The following KYNU variants were observed in gnomAD, a reference collection of about 807,000 sequenced individuals.
The protein encoded by KYNU is L-kynurenine hydrolase.
A neutral mutation model predicts 59.2 loss-of-function variants in KYNU; 54 were observed. The observed-to-expected ratio is 0.91, with a 90% CI of 0.73 to 1.14. The LOEUF is 1.14. Among genes scored for constraint, KYNU ranks in the 50% most tolerant of loss-of-function variants. The probability of loss-of-function intolerance (pLI) is 0.00; values close to 1 mark genes in which losing one functional copy is unlikely to be tolerated. For missense variants in KYNU, 567 were observed against 554.4 expected (o/e 1.02, Z -0.23); for synonymous variants, 177 against 192.0 (o/e 0.92, Z 0.65).
chr2:142,931,919 T>C (rs552660626), intron 4 of KYNU, among the ~76,000 whole-genome samples: 2 of 152,268 alleles, frequency 1.3e-5, no homozygotes, highest in Admixed American at 1.3e-4. Context: ...TGATGAGAGT[T>C]TGTGTGACGA....
At position 142,983,950 on chromosome 2, in the gene KYNU, A is replaced by G. The variant is rs534172982; in HGVS notation, c.730-1134A>G. Among the ~76,000 whole-genome samples the G allele has an allele frequency of 7.9e-5, 12 of 152,150 alleles. No homozygotes were observed. In the South Asian group the frequency reaches 2.1e-3, roughly 26 times the overall value. ...TTTGAATCTTACAAAGAAAATAGGC[A>G]CTCATGAAGATATGTAATCAGAAAA... On this transcript the variant is annotated intron_variant, in intron 8 of 13. Transcript: ENST00000264170.
chr2:143,030,651 TGC>T lies in KYNU; in HGVS notation c.955+973_955+974del, dbSNP rs1491431549. ...CACCATGACTGGATGATGATGATGA[TGC>T]TGATTATTATTATTATTATTTAGTG... On this transcript the variant is annotated intron_variant, in intron 11 of 13. Transcript: ENST00000264170. 5.1e-3 allele frequency among the ~76,000 whole-genome samples: 564 copies of T among 111,372 alleles called. 3 individuals are homozygous for T. Among genetic ancestry groups the T allele is most frequent in the Non-Finnish European group, 9.0e-3 (444 of 49,508 alleles). The allele number at this position is 111,372 out of a possible 152,430, so 73.1% of individuals were successfully genotyped here.
At chr2:142,935,137 C>T (rs1256766152) in intron 4 of KYNU, among the ~76,000 whole-genome samples, 3 of 152,116 alleles carry the variant, frequency 2.0e-5, no homozygotes, top group Non-Finnish European at 4.4e-5. Flanking sequence ...CTGAAGTTTG[C>T]GTGGAATATT....
At chr2:142,994,045 G>A (rs750439375) in intron 10 of KYNU, among the ~76,000 whole-genome samples, 7 of 151,984 alleles carry the variant, frequency 4.6e-5, no homozygotes, top group Non-Finnish European at 1.0e-4. Context: ...ATTACTTCAA[G>A]TTTTAGCCCT....
intron 2 of KYNU, among the ~76,000 whole-genome samples, chr2:142,900,540 AT>A (rs1379037272): frequency 6.6e-6 from 1 of 152,146 alleles, no homozygotes; most frequent in Non-Finnish European, 1.5e-5. Context: ...CCTAGTTAGC[AT>A]TTTAGTGAAC....
chr2:142,941,779 C>A (rs887104332), intron 4 of KYNU, among the ~76,000 whole-genome samples: 11 of 152,104 alleles, frequency 7.2e-5, no homozygotes, highest in Non-Finnish European at 1.6e-4. Flanking sequence ...GCATCTGTTT[C>A]GGTCTTTCAG....
At chr2:142,945,727 T>C (rs1683752126) in intron 4 of KYNU, among the ~76,000 whole-genome samples, 1 of 147,064 alleles carries the variant, frequency 6.8e-6, no homozygotes, top group Non-Finnish European at 1.5e-5. Context: ...CACAAAATGC[T>C]TTTTTTAATT....
rs373196560 is a variant in KYNU, at chr2:142,985,190, C to T, written c.828+8C>T. ...TGCTGGTGTTCCTACAAGGTACAAA[C>T]GAGTTAATACATTTACATCCCTTTA... On this transcript the variant is annotated splice_region_variant and intron_variant, in intron 9 of 13. Coordinates refer to ENST00000264170, the MANE Select transcript of KYNU (RefSeq NM_003937.3). 7.9e-5 allele frequency: 118 copies of T among 1,502,318 alleles called. 3 individuals are homozygous for T. The South Asian group carries it at 1.2e-3, about 15-fold the overall frequency. 93.1% of individuals were successfully genotyped at this position (1,502,318 alleles called of 1,614,324 possible). A position where few individuals can be genotyped will look rare whatever the true frequency, so the allele number is the denominator to read the frequency against.
At chr2:142,968,988 A>G (rs979395001) in intron 8 of KYNU, among the ~76,000 whole-genome samples, 3 of 152,196 alleles carry the variant, frequency 2.0e-5, no homozygotes, top group Non-Finnish European at 4.4e-5. Context: ...GAAAGGACAG[A>G]TCCATTTCAT....
chr2:142,911,827 T>G (rs80141455), intron 2 of KYNU, among the ~76,000 whole-genome samples: 14,490 of 152,264 alleles, frequency 0.095, 936 homozygotes, highest in Middle Eastern at 0.18. Flanking sequence ...TTCTCAATTA[T>G]CTTTACATCC....
chr2:143,009,840 G>A (rs1686034683), intron 10 of KYNU, among the ~76,000 whole-genome samples: 1 of 121,216 alleles, frequency 8.2e-6, no homozygotes, highest in South Asian at 3.0e-4. Flanking sequence ...TGCCGAAAAA[G>A]CCTTTGACAA....
chr2:142,928,103 C>T (rs939874915), intron 4 of KYNU, among the ~76,000 whole-genome samples: 2 of 151,924 alleles, frequency 1.3e-5, no homozygotes, highest in African/African-American at 4.8e-5. Context: ...ATATAATGAA[C>T]ATTTTCACAT....
At chr2:142,913,506 A>G (rs555611599) in intron 2 of KYNU, among the ~76,000 whole-genome samples, 22 of 152,182 alleles carry the variant, frequency 1.4e-4, no homozygotes, top group Non-Finnish European at 2.9e-4. Context: ...TGTACTTCTG[A>G]GAGATCTTCT....
chr2:142,918,575 T>TTA, intron 2 of KYNU, 34 bp from the exon 3 acceptor site: 2 of 1,039,108 alleles, frequency 1.9e-6, no homozygotes, highest in Non-Finnish European at 2.5e-6. Flanking sequence ...AGCTTTTATT[T>TTA]TTTTTTTTTT....
At chr2:143,028,812 C>T (rs1686654090) in intron 10 of KYNU, among the ~76,000 whole-genome samples, 1 of 151,954 alleles carries the variant, frequency 6.6e-6, no homozygotes, top group Non-Finnish European at 1.5e-5. Context: ...TGCTCCATTG[C>T]ACTCCAGCCT....
chr2:142,929,004 T>G (rs1683126155), intron 4 of KYNU, among the ~76,000 whole-genome samples: 1 of 78,400 alleles, frequency 1.3e-5, no homozygotes, highest in Non-Finnish European at 2.3e-5. Flanking sequence ...TGACACCCTG[T>G]CTCAAAAAAA....
chr2:143,032,297 A>AC (rs1335134895), intron 11 of KYNU, among the ~76,000 whole-genome samples: 2 of 85,326 alleles, frequency 2.3e-5, no homozygotes, highest in East Asian at 5.1e-4. Context: ...AACAAAAAAA[A>AC]AAAACAAAAC....
chr2:143,055,093 T>TA lies in KYNU; in HGVS notation c.*12927dup, dbSNP rs1687331805. On this transcript the variant is annotated 3_prime_UTR_variant, in exon 14 of 14. Coordinates refer to ENST00000264170, the MANE Select transcript of KYNU (RefSeq NM_003937.3). Reference sequence around the variant, plus strand: ...GCCTTAAAATTCCTCTGCAAAATTATAAAAAAGAACGATGACAAACTAAAA... The same window carrying TA: ...GCCTTAAAATTCCTCTGCAAAATTATAAAAAAAGAACGATGACAAACTAAAA... 1 of 152,146 alleles carries TA rather than the reference T, an allele frequency of 6.6e-6. No individual in the cohort carries two copies. Among genetic ancestry groups the TA allele is most frequent in the Non-Finnish European group, 1.5e-5 (1 of 68,006 alleles). 9.4% of individuals were successfully genotyped at this position (152,146 alleles called of 1,614,324 possible). A position where few individuals can be genotyped will look rare whatever the true frequency, so the allele number is the denominator to read the frequency against.
chr2:143,051,415 G>T lies in KYNU; in HGVS notation c.*9243G>T, dbSNP rs1464493765. ...TTAATTGAGCTGATCATGTTTCTAG[G>T]ATTTTTTAGTTAAAAGAAAATACAT... On this transcript the variant is annotated 3_prime_UTR_variant, in exon 14 of 14. Transcript: ENST00000264170. 2 of 151,720 alleles carry T rather than the reference G, an allele frequency of 1.3e-5. No homozygotes were observed. Among genetic ancestry groups the T allele is most frequent in the Non-Finnish European group, 2.9e-5 (2 of 67,904 alleles). 9.4% of individuals were successfully genotyped at this position (151,720 alleles called of 1,614,324 possible). A position where few individuals can be genotyped will look rare whatever the true frequency, so the allele number is the denominator to read the frequency against.
Sources: allele counts gnomAD v4.1 joint callset (sites outside exome capture counted in the v4.1 genomes callset), GRCh38; gene constraint gnomAD v4.1.1; transcripts MANE v1.5; gene names NCBI Gene and HGNC (gene_info 2026-07-23, HGNC 2026-07-21).